ATP6V0D1: variants seen among roughly 807,000 people sequenced by gnomAD.
ATP6V0D1 encodes the protein V-type proton ATPase subunit d 1.
Under a neutral mutation model 39.0 loss-of-function variants are expected in ATP6V0D1, and 13 were observed. The ratio of observed to expected loss-of-function variants is 0.33; its 90% confidence interval spans 0.22 to 0.53. The LOEUF (loss-of-function observed/expected upper bound fraction) is 0.53, where lower values mean the gene tolerates loss of function less well. ATP6V0D1 is among the 20% of genes least tolerant of loss of function. The probability of loss-of-function intolerance (pLI) is 0.94; values close to 1 mark genes in which losing one functional copy is unlikely to be tolerated. For missense variants in ATP6V0D1, 272 were observed against 470.9 expected (o/e 0.58, Z 3.91); for synonymous variants, 191 against 191.2 (o/e 1.00, Z 0.01).
intron 1 of ATP6V0D1, among the ~76,000 whole-genome samples, chr16:67,475,255 C>T (rs909039442): frequency 6.6e-6 from 1 of 152,246 alleles, no homozygotes; most frequent in African/African-American, 2.4e-5. Flanking sequence ...CTGTGCTAAA[C>T]GACCTGCCAC....
intron 1 of ATP6V0D1, among the ~76,000 whole-genome samples, chr16:67,479,945 A>C: frequency 9.2e-6 from 1 of 108,640 alleles, no homozygotes; most frequent in Admixed American, 8.0e-5. Flanking sequence ...CACGCCTGTA[A>C]TCCCAGCACT....
rs1597571672 is a variant in ATP6V0D1 at position 67,447,905 on chromosome 16, G to C, written c.303-3199C>G. Among the ~76,000 whole-genome samples the C allele has an allele frequency of 1.3e-5, 2 of 152,240 alleles. No individual in the cohort carries two copies. The highest frequency in any genetic ancestry group is 2.9e-5 in the Non-Finnish European group (2 of 68,050). ...ACTGCAGTCCCCAGCAGGTGCTCCA[G>C]TGAGCTGCTAATGACAGTATCTGTA... is the stretch of plus-strand genomic sequence containing the variant. On this transcript the variant is annotated intron_variant, in intron 2 of 7. Coordinates refer to ENST00000290949, the MANE Select transcript of ATP6V0D1 (RefSeq NM_004691.5). The surrounding 1 kb of genome is among the most constrained non-coding windows in gnomAD (Gnocchi z 4.1).
chr16:67,463,864 CCT>C (rs1380296345), intron 1 of ATP6V0D1, among the ~76,000 whole-genome samples: 1 of 152,134 alleles, frequency 6.6e-6, no homozygotes, highest in East Asian at 1.9e-4. Flanking sequence ...GTGCTGTGGA[CCT>C]GGGCTGGCCC....
At chr16:67,463,197 T>G (rs535246904) in intron 1 of ATP6V0D1, among the ~76,000 whole-genome samples, 23 of 152,314 alleles carry the variant, frequency 1.5e-4, no homozygotes, top group African/African-American at 4.6e-4. Context: ...TGTGAGCTCA[T>G]GCACTGTCAG....
chr16:67,472,763 G>A (rs1019744292), intron 1 of ATP6V0D1, among the ~76,000 whole-genome samples: 4 of 152,030 alleles, frequency 2.6e-5, no homozygotes, highest in Admixed American at 2.0e-4. Context: ...CCAGCTACTC[G>A]GGAGGCTGAG....
Position 67,438,450 on chromosome 16 carries a change from TACACACACACGCACACACACGCGCAC to T in ATP6V0D1, c.*52_*77del, listed in dbSNP as rs2041001777. 2.0e-6 allele frequency: 3 copies of T among 1,514,856 alleles called. No homozygotes were observed. Among genetic ancestry groups the T allele is most frequent in the African/African-American group, 2.8e-5 (2 of 72,296 alleles). 93.8% of individuals were successfully genotyped at this position (1,514,856 alleles called of 1,614,324 possible). ...AGCCACAGGCTTGTCACAGACCACA[TACACACACACGCACACACACGCGCAC>T]ACACACACACACACACACAAAGAGT... On this transcript the variant is annotated 3_prime_UTR_variant, in exon 8 of 8. Transcript: ENST00000290949.
chr16:67,476,902 G>A (rs776442776), intron 1 of ATP6V0D1, among the ~76,000 whole-genome samples: 7 of 151,664 alleles, frequency 4.6e-5, no homozygotes, highest in Admixed American at 2.6e-4. Flanking sequence ...GCCAGGTGGC[G>A]GGTGCCTGTA....
chr16:67,438,738 C>T, intron 7 of ATP6V0D1, 49 bp from the exon 8 acceptor site: 1 of 1,614,194 alleles, frequency 6.2e-7, no homozygotes. Flanking sequence ...GCCACAGAGT[C>T]AGGTCTAAAC....
At chr16:67,467,663 G>A (rs766481920) in intron 1 of ATP6V0D1, among the ~76,000 whole-genome samples, 12 of 152,166 alleles carry the variant, frequency 7.9e-5, no homozygotes, top group Non-Finnish European at 1.8e-4. Context: ...ACAGCTGTCC[G>A]GAAGGGAGCC....
intron 1 of ATP6V0D1, among the ~76,000 whole-genome samples, chr16:67,471,344 A>C (rs1424084156): frequency 6.6e-6 from 1 of 151,986 alleles, no homozygotes. Context: ...ATGCGCCACC[A>C]CGCCCGGCTA....
intron 2 of ATP6V0D1, among the ~76,000 whole-genome samples, chr16:67,446,163 G>C (rs2041112671): frequency 6.6e-6 from 1 of 152,122 alleles, no homozygotes; most frequent in South Asian, 2.1e-4. Flanking sequence ...GAGGGGAGGT[G>C]GCAGCCCAGG....
Position 67,438,352 on chromosome 16 carries a change from G to T in ATP6V0D1, c.*176C>A. ...GTGCCCAGCCCCTTTTCAGGCCTAA[G>T]AACAGTCTCTAAGAGGGTCAGGAGA... On this transcript the variant is annotated 3_prime_UTR_variant, in exon 8 of 8. Transcript: ENST00000290949. 1 of 764,338 alleles carries T rather than the reference G, an allele frequency of 1.3e-6. No homozygotes were observed. The highest frequency in any genetic ancestry group is 2.1e-6 in the Non-Finnish European group (1 of 485,652). 47.3% of individuals were successfully genotyped at this position (764,338 alleles called of 1,614,324 possible). A position where few individuals can be genotyped will look rare whatever the true frequency, so the allele number is the denominator to read the frequency against.
chr16:67,452,742 T>G (rs2142312340), intron 2 of ATP6V0D1, among the ~76,000 whole-genome samples: 1 of 152,304 alleles, frequency 6.6e-6, no homozygotes, highest in South Asian at 2.1e-4. Flanking sequence ...GGGACATCCC[T>G]GCAAAGGGAC....
intron 4 of ATP6V0D1, chr16:67,440,389 T>C (rs2041035905): frequency 6.6e-6 from 1 of 152,248 alleles, no homozygotes; most frequent in Non-Finnish European, 1.5e-5. Flanking sequence ...AAAGCAGCCA[T>C]GCTTCCTCCC....
chr16:67,465,981 C>T (rs745778530), intron 1 of ATP6V0D1, among the ~76,000 whole-genome samples: 1 of 152,086 alleles, frequency 6.6e-6, no homozygotes, highest in Non-Finnish European at 1.5e-5. Flanking sequence ...GTGATCCTGG[C>T]GCACCCCCTT....
At chr16:67,450,742 T>C (rs758457377) in intron 2 of ATP6V0D1, among the ~76,000 whole-genome samples, 1 of 152,128 alleles carries the variant, frequency 6.6e-6, no homozygotes, top group African/African-American at 2.4e-5. Context: ...CTTGCTTAGA[T>C]ACTGAAGAGA....
chr16:67,453,479 C>A lies in ATP6V0D1; in HGVS notation c.302+65G>T. ...GCAGCTAGCCTAAGCCACACTGAAC[C>A]CAGCTCCTGCAGGTGTAGCTATCCT... On this transcript the variant is annotated intron_variant, in intron 2 of 7. Transcript: ENST00000290949. The surrounding 1 kb of genome is among the most constrained non-coding windows in gnomAD (Gnocchi z 4.1). 1 of 1,579,094 alleles carries A rather than the reference C, an allele frequency of 6.3e-7. No individual in the cohort carries two copies.
At chr16:67,478,705 T>C (rs1008722605) in intron 1 of ATP6V0D1, among the ~76,000 whole-genome samples, 1 of 95,828 alleles carries the variant, frequency 1.0e-5, no homozygotes, top group Admixed American at 1.7e-4. Flanking sequence ...GATGGTATTC[T>C]ACAAGGTGGG....
chr16:67,441,644 G>A (rs1465951048), intron 4 of ATP6V0D1: 1 of 152,260 alleles, frequency 6.6e-6, no homozygotes, highest in African/African-American at 2.4e-5. Flanking sequence ...GTGGGTGAGA[G>A]CACTCACTTT....
Sources: gnomAD v4.1 joint callset for allele counts (sites outside exome capture counted in the v4.1 genomes callset) on GRCh38, gnomAD v4.1.1 for gene constraint, Gnocchi (gnomAD v3.1) non-coding constraint, MANE v1.5 for transcripts, NCBI Gene and HGNC (gene_info 2026-07-23, HGNC 2026-07-21) for gene names.